Variants in RALGDS observed in about 807,000 individuals in gnomAD.
RALGDS encodes ral guanine nucleotide dissociation stimulator, also known as ral guanine nucleotide exchange factor.
RALGDS carries 44 observed loss-of-function variants against 99.8 expected under a neutral mutation model. The ratio of observed to expected loss-of-function variants is 0.44; its 90% CI spans 0.35 to 0.57. The LOEUF is 0.57. RALGDS is among the 20% of genes least tolerant of loss of function. RALGDS has a pLI of 0.01. For synonymous variants in RALGDS, 529 were observed against 505.0 expected (o/e 1.05, Z -0.64); for missense variants, 1,022 against 1,203.1 (o/e 0.85, Z 2.23).
At position 133,121,126 on chromosome 9, in the gene RALGDS, G is replaced by A. The variant is rs1423527898; in HGVS notation, c.29C>T (p.Ala10Val). The part of the protein sequence containing the change: MVQRMWAEA[A>V]GPAGGAEPLF... Reference sequence around the variant, plus strand: ...CGGCTCGGCGCCGCCAGCAGGCCCGGCCGCCTCGGCCCACATGCGCTGCAC... The same window carrying A: ...CGGCTCGGCGCCGCCAGCAGGCCCGACCGCCTCGGCCCACATGCGCTGCAC... The change falls in exon 1 of 18, where the codon GCC becomes GTC. Residue 10 changes from alanine (A) to valine (V), a missense_variant. Around this residue, in one of 3 missense-constraint regions of RALGDS, gnomAD observed 180 missense variants for 169.3 expected, o/e 1.06. Coordinates refer to ENST00000372050, the MANE Select transcript of RALGDS (RefSeq NM_006266.4). 3 of 1,455,488 alleles carry A rather than the reference G, an allele frequency of 2.1e-6. No homozygotes were observed. Among genetic ancestry groups the A allele is most frequent in the East Asian group, 3.0e-5 (1 of 33,108 alleles). The allele number at this position is 1,455,488 out of a possible 1,614,324, so 90.2% of individuals were successfully genotyped here. A position where few individuals can be genotyped will look rare whatever the true frequency, so the allele number is the denominator to read the frequency against.
At chr9:133,127,163 C>A (rs905559766) in intron 1 of RALGDS, among the ~76,000 whole-genome samples, 2 of 152,260 alleles carry the variant, frequency 1.3e-5, no homozygotes, top group Non-Finnish European at 2.9e-5. Context: ...ATAAAAGCTG[C>A]CCCTGTGGAC....
intron 1 of RALGDS, among the ~76,000 whole-genome samples, chr9:133,136,504 G>T (rs765013020): frequency 1.3e-5 from 2 of 152,310 alleles, no homozygotes; most frequent in African/African-American, 2.4e-5. Flanking sequence ...GCTCGGGTGC[G>T]GTGGCTCACG....
intron 3 of RALGDS, 25 bp downstream of exon 3, chr9:133,110,271 T>C (rs1229653865): frequency 1.5e-5 from 24 of 1,606,282 alleles, no homozygotes; most frequent in Non-Finnish European, 2.0e-5. Flanking sequence ...CTGTGCACCC[T>C]GTGCAGTGGA....
At chr9:133,102,990 C>T (rs1830834349) in intron 12 of RALGDS, 90 bp from the exon 13 acceptor site, 4 of 1,547,786 alleles carry the variant, frequency 2.6e-6, no homozygotes, top group South Asian at 1.2e-5. Context: ...GGGTCCCTTC[C>T]TCCCCTCTAC....
At chr9:133,100,457 C>A (rs1830702550) in intron 16 of RALGDS, 75 bp from the exon 17 acceptor site, 2 of 1,608,608 alleles carry the variant, frequency 1.2e-6, no homozygotes, top group East Asian at 4.5e-5. Context: ...TGGCCAAGGA[C>A]CCTCTGGAGT....
intron 1 of RALGDS, chr9:133,148,932 C>G: frequency 6.2e-7 from 1 of 1,600,720 alleles, no homozygotes; most frequent in South Asian, 1.1e-5. Context: ...CCTCCACCCG[C>G]GACGCGAGGC....
At chr9:133,135,525 A>C (rs545802280), upstream of RALGDS, among the ~76,000 whole-genome samples, 1 of 152,288 alleles carries the variant, frequency 6.6e-6, no homozygotes, top group Admixed American at 6.5e-5. Flanking sequence ...AGGGCACCGC[A>C]GCTCCCCTCC....
intron 1 of RALGDS, among the ~76,000 whole-genome samples, chr9:133,138,233 C>T (rs897563537): frequency 6.6e-6 from 1 of 152,192 alleles, no homozygotes; most frequent in South Asian, 2.1e-4. Flanking sequence ...CAAGAAGTTC[C>T]CCAGGGCTAG....
At chr9:133,147,141 T>C (rs1370624102) in intron 1 of RALGDS, among the ~76,000 whole-genome samples, 1 of 152,126 alleles carries the variant, frequency 6.6e-6, no homozygotes, top group Non-Finnish European at 1.5e-5. Context: ...CTGGCCTCCT[T>C]TCTCACTCCT....
upstream of RALGDS, chr9:133,131,143 C>T (rs544658311): frequency 4.9e-6 from 7 of 1,433,680 alleles, no homozygotes; most frequent in African/African-American, 1.5e-5. Flanking sequence ...CGCTCCCAGC[C>T]CTGCTCCTCT....
chr9:133,146,575 C>A lies in RALGDS; in HGVS notation c.18+2388G>T, dbSNP rs190612612. Among the ~76,000 whole-genome samples the A allele has an allele frequency of 2.8e-3, 421 of 152,318 alleles. 1 individual carries two copies. Among genetic ancestry groups the A allele is most frequent in the African/African-American group, 9.7e-3 (402 of 41,566 alleles). On this transcript the variant is annotated intron_variant, in intron 1 of 17. Coordinates refer to the RALGDS transcript ENST00000393160. ...TCCACACTGGCCCCAGAGATCCCTG[C>A]CTCCTGGTACATAAGTTGCTGAGTG...
At chr9:133,102,167 G>C in intron 14 of RALGDS, 28 bp from the exon 15 acceptor site, 6 of 1,550,642 alleles carry the variant, frequency 3.9e-6, no homozygotes, top group Non-Finnish European at 4.4e-6. Context: ...TTAGTTAAGG[G>C]GGCTCCCCAA....
At chr9:133,121,281 G>T, upstream of RALGDS, 7 of 978,988 alleles carry the variant, frequency 7.2e-6, no homozygotes, top group Non-Finnish European at 8.5e-6. Flanking sequence ...AGGCTGGGGG[G>T]CGGGGCCGGA....
In RALGDS at chr9:133,116,432, G is replaced by A. The variant is rs552526522; in HGVS notation, c.184-4280C>T. Among the ~76,000 whole-genome samples the A allele has an allele frequency of 1.1e-3, 160 of 152,348 alleles. 1 individual carries two copies. The highest frequency in any genetic ancestry group is 3.7e-3 in the African/African-American group (155 of 41,584). On this transcript the variant is annotated intron_variant, in intron 1 of 17. Transcript: ENST00000372050. ...CATCTCTCCAGAAACCCTCCCTGCCGGCCTGTGCCCTGCTACTCACTGATG... is the reference window on the plus strand; with the variant it reads ...CATCTCTCCAGAAACCCTCCCTGCCAGCCTGTGCCCTGCTACTCACTGATG...
At chr9:133,127,539 C>T (rs758248601) in intron 1 of RALGDS, among the ~76,000 whole-genome samples, 1 of 152,358 alleles carries the variant, frequency 6.6e-6, no homozygotes, top group South Asian at 2.1e-4. Context: ...CCAACACTGA[C>T]GTCACCATTC....
upstream of RALGDS, among the ~76,000 whole-genome samples, chr9:133,126,227 C>T (rs1253386460): frequency 4.6e-5 from 7 of 151,900 alleles, no homozygotes; most frequent in Non-Finnish European, 2.9e-5. Context: ...TCCCAACCTC[C>T]CCCCGGGACG....
chr9:133,125,610 C>A (rs1018138033), upstream of RALGDS, among the ~76,000 whole-genome samples: 3 of 152,044 alleles, frequency 2.0e-5, no homozygotes, highest in Non-Finnish European at 2.9e-5. Flanking sequence ...GTGACGCGTG[C>A]CTGTAATCCC....
intron 10 of RALGDS, 53 bp from the exon 11 acceptor site, chr9:133,103,886 C>T: frequency 1.3e-6 from 2 of 1,538,016 alleles, no homozygotes; most frequent in Non-Finnish European, 1.8e-6. Context: ...AAGGCTTTCT[C>T]AGCCCCCAGC....
intron 1 of RALGDS, among the ~76,000 whole-genome samples, chr9:133,140,027 G>A (rs376156070): frequency 1.3e-5 from 2 of 151,608 alleles, no homozygotes; most frequent in Admixed American, 1.3e-4. Flanking sequence ...GGTGAACATC[G>A]TGACAGATGA....
Sources: gnomAD v4.1 joint callset for allele counts (sites outside exome capture counted in the v4.1 genomes callset) on GRCh38, gnomAD v4.1.1 for gene constraint, gnomAD v4.1.1 regional missense constraint, MANE v1.5 for transcripts, NCBI Gene and HGNC (gene_info 2026-07-23, HGNC 2026-07-21) for gene names.